Variants in ZFPM2 observed in about 807,000 individuals in gnomAD.
ZFPM2 encodes the protein zinc finger protein ZFPM2.
ZFPM2 carries 20 observed loss-of-function variants against 98.6 expected under a neutral mutation model. The ratio of observed to expected loss-of-function variants is 0.20; its 90% CI spans 0.14 to 0.29. The LOEUF is 0.29. Ranked by LOEUF, ZFPM2 falls within the 10% of genes least tolerant of loss-of-function variation. ZFPM2 has a pLI of 1.00. For missense variants in ZFPM2, 1,310 were observed against 1,388.6 expected, an observed-to-expected ratio of 0.94 and a Z score of 0.90; for synonymous variants, 518 against 502.7, an observed-to-expected ratio of 1.03 and a Z score of -0.41.
At chr8:105,444,515 A>G in intron 3 of ZFPM2, 134 bp downstream of exon 3, 1 of 497,164 alleles carries the variant, frequency 2.0e-6, no homozygotes, top group Non-Finnish European at 3.4e-6. Context: ...TTAAATAAAG[A>G]TTATTATTTT....
intron 5 of ZFPM2, among the ~76,000 whole-genome samples, chr8:105,666,582 A>G (rs1466451571): frequency 3.3e-5 from 5 of 152,240 alleles, no homozygotes; most frequent in Non-Finnish European, 7.3e-5. Context: ...CAGTTCTTAA[A>G]GTGTGGTCCA....
chr8:105,640,701 C>T (rs761412060), intron 5 of ZFPM2, among the ~76,000 whole-genome samples: 2 of 151,916 alleles, frequency 1.3e-5, no homozygotes, highest in Non-Finnish European at 2.9e-5. Context: ...AACCATGTTC[C>T]ACCTTAAAAT....
chr8:105,712,591 T>G (rs1212454093), intron 5 of ZFPM2, among the ~76,000 whole-genome samples: 1 of 151,818 alleles, frequency 6.6e-6, no homozygotes, highest in Non-Finnish European at 1.5e-5. Context: ...ATTCAAGGAG[T>G]GCAGTGGTAG....
intron 4 of ZFPM2, among the ~76,000 whole-genome samples, chr8:105,612,943 A>G (rs1437303997): frequency 6.6e-6 from 1 of 152,208 alleles, no homozygotes; most frequent in Non-Finnish European, 1.5e-5. Flanking sequence ...TTGGATTATC[A>G]TTTACTTGAC....
At chr8:105,420,941 A>T (rs1182630767) in intron 2 of ZFPM2, among the ~76,000 whole-genome samples, 1 of 152,142 alleles carries the variant, frequency 6.6e-6, no homozygotes, top group Non-Finnish European at 1.5e-5. Flanking sequence ...TATGAATTGC[A>T]AATTTTGGGA....
chr8:105,596,339 C>T (rs1343805216), intron 4 of ZFPM2, among the ~76,000 whole-genome samples: 1 of 151,724 alleles, frequency 6.6e-6, no homozygotes, highest in Non-Finnish European at 1.5e-5. Flanking sequence ...TTCTTTCATC[C>T]CTGCATTTTC....
intron 6 of ZFPM2, among the ~76,000 whole-genome samples, chr8:105,793,181 C>T (rs866036094): frequency 3.9e-4 from 60 of 152,016 alleles, no homozygotes; most frequent in Middle Eastern, 3.4e-3. Flanking sequence ...TTCCTAGTCT[C>T]GATGGTCTTT....
chr8:105,762,625 G>C (rs1812757461), intron 5 of ZFPM2, among the ~76,000 whole-genome samples: 2 of 151,894 alleles, frequency 1.3e-5, no homozygotes, highest in Non-Finnish European at 2.9e-5. Context: ...CTATTCAGGA[G>C]TGTCGTTCAT....
At chr8:105,487,937 G>T (rs59419070) in intron 3 of ZFPM2, among the ~76,000 whole-genome samples, 22,495 of 66,194 alleles carry the variant, frequency 0.34, 1,945 homozygotes, top group East Asian at 0.44. Context: ...TATCTAGCTA[G>T]CTAGCTAGCT....
chr8:105,341,175 G>C (rs567688616), intron 1 of ZFPM2, among the ~76,000 whole-genome samples: 1 of 151,896 alleles, frequency 6.6e-6, no homozygotes, highest in East Asian at 1.9e-4. Flanking sequence ...ACATACCCTC[G>C]TGGGGCTTCC....
chr8:105,699,639 T>C (rs1256974160), intron 5 of ZFPM2, among the ~76,000 whole-genome samples: 4 of 152,166 alleles, frequency 2.6e-5, no homozygotes, highest in Non-Finnish European at 5.9e-5. Flanking sequence ...TGGCAATGAT[T>C]CCACTGAAAA....
At chr8:105,393,189 T>C (rs1811141664) in intron 1 of ZFPM2, among the ~76,000 whole-genome samples, 3 of 152,176 alleles carry the variant, frequency 2.0e-5, no homozygotes, top group Admixed American at 2.0e-4. Context: ...AGAAATATTT[T>C]TATTGCTCTT....
intron 5 of ZFPM2, 28 bp from the exon 6 acceptor site, chr8:105,788,690 T>G: frequency 6.2e-7 from 1 of 1,609,094 alleles, no homozygotes; most frequent in Non-Finnish European, 8.5e-7. Context: ...TATGTCAATT[T>G]TATCTTTTTC....
chr8:105,678,594 G>T (rs1309512613), intron 5 of ZFPM2: 2 of 152,134 alleles, frequency 1.3e-5, no homozygotes, highest in Non-Finnish European at 2.9e-5. Context: ...ACAATTTCTT[G>T]TCAGATAAGC....
intron 1 of ZFPM2, among the ~76,000 whole-genome samples, chr8:105,330,559 TATATATATAC>T (rs780413759): frequency 0.18 from 20,600 of 115,502 alleles, 2,758 homozygotes; most frequent in Admixed American, 0.29. Flanking sequence ...TATACATATA[TATATATATAC>T]ATATATATAT....
At position 105,355,377 on chromosome 8, in the gene ZFPM2, T is replaced by C. The variant is rs143927455; in HGVS notation, c.40+36396T>C. Among the ~76,000 whole-genome samples the C allele has an allele frequency of 1.2e-4, 18 of 152,350 alleles. No individual in the cohort carries two copies. In the East Asian group the frequency reaches 3.5e-3, roughly 29 times the overall value. On this transcript the variant is annotated intron_variant, in intron 1 of 7. Transcript: ENST00000407775. ...ACACAAATTCTTTAATCCTTTCTTA[T>C]GGTATCTTTTTTTGCTGGCTAATTA... is the stretch of plus-strand genomic sequence containing the variant.
At position 105,694,278 on chromosome 8, in the gene ZFPM2, G is replaced by A. The variant is rs191051993; in HGVS notation, c.532+59921G>A. ...TGGGATTACAGGCCTGAGCCACCGC[G>A]CCCAGCCTCTCCAAATTTTTTTAAG... On this transcript the variant is annotated intron_variant, in intron 5 of 7. Coordinates refer to ENST00000407775, the MANE Select transcript of ZFPM2 (RefSeq NM_012082.4). Among the ~76,000 whole-genome samples, 55 of 151,972 alleles carry A rather than the reference G, an allele frequency of 3.6e-4. 1 individual carries two copies. The East Asian group carries it at 9.1e-3, about 25-fold the overall frequency.
At chr8:105,621,572 G>A (rs1280166837) in intron 4 of ZFPM2, among the ~76,000 whole-genome samples, 1 of 152,122 alleles carries the variant, frequency 6.6e-6, no homozygotes, top group African/African-American at 2.4e-5. Context: ...TGTTGAATAT[G>A]TGTGTTTGGT....
intron 5 of ZFPM2, among the ~76,000 whole-genome samples, chr8:105,680,511 T>A (rs56025606): frequency 0.016 from 2,483 of 152,310 alleles, 48 homozygotes; most frequent in African/African-American, 0.057. Context: ...TGCTTCCTAA[T>A]TATGTATGTC....
Sources: gnomAD v4.1 joint callset for allele counts (sites outside exome capture counted in the v4.1 genomes callset) on GRCh38, gnomAD v4.1.1 for gene constraint, MANE v1.5 for transcripts, NCBI Gene and HGNC (gene_info 2026-07-23, HGNC 2026-07-21) for gene names.